PCED1B: variants seen among roughly 807,000 people sequenced by gnomAD.
PCED1B encodes the protein PC-esterase domain containing 1B, also known as PC-esterase domain-containing protein 1B.
For missense variants in PCED1B, 573 were observed against 573.9 expected (o/e 1.00, Z 0.02); for synonymous variants, 251 against 246.1 (o/e 1.02, Z -0.19).
chr12:47,095,996 A>G (rs150696089), intron 1 of PCED1B, among the ~76,000 whole-genome samples: 5 of 152,230 alleles, frequency 3.3e-5, no homozygotes, highest in Admixed American at 3.3e-4. Context: ...AACACTCTCT[A>G]TATTTAATGA....
At chr12:47,136,367 C>T (rs1431722022) in intron 2 of PCED1B, among the ~76,000 whole-genome samples, 1 of 152,102 alleles carries the variant, frequency 6.6e-6, no homozygotes, top group Non-Finnish European at 1.5e-5. Context: ...ACTTCTTAAG[C>T]CCTCTTATGC....
chr12:47,137,837 C>G (rs955657208), intron 2 of PCED1B, among the ~76,000 whole-genome samples: 2 of 151,690 alleles, frequency 1.3e-5, no homozygotes, highest in African/African-American at 4.8e-5. Flanking sequence ...TAGGTAGTCC[C>G]AAAATCTACA....
intron 3 of PCED1B, among the ~76,000 whole-genome samples, chr12:47,224,489 A>G (rs755659631): frequency 2.4e-4 from 37 of 152,352 alleles, no homozygotes; most frequent in Non-Finnish European, 3.8e-4. Context: ...AAAGAATTAC[A>G]AATTTCAGAT....
intron 1 of PCED1B, among the ~76,000 whole-genome samples, chr12:47,095,017 C>T (rs854898): frequency 0.011 from 1,718 of 151,532 alleles, 31 homozygotes; most frequent in African/African-American, 0.038. Flanking sequence ...AGCAATCCTC[C>T]CACCTCGGCT....
intron 2 of PCED1B, among the ~76,000 whole-genome samples, chr12:47,162,435 G>A (rs1045942960): frequency 4.6e-5 from 7 of 152,200 alleles, no homozygotes; most frequent in Non-Finnish European, 7.4e-5. Context: ...TCACAGTTCT[G>A]CAGTGTGTAC....
Position 47,186,471 on chromosome 12 carries a change from A to AG in PCED1B, c.-525-29745dup, listed in dbSNP as rs376097243. Reference sequence around the variant, plus strand: ...CCCTTTATGTTATCCCTTTACTGGTAGGGGGGTAGAGGGGGGCACTTTCAC... The same window carrying AG: ...CCCTTTATGTTATCCCTTTACTGGTAGGGGGGGTAGAGGGGGGCACTTTCAC... On this transcript the variant is annotated intron_variant, in intron 2 of 3. Transcript: ENST00000546455. Among the ~76,000 whole-genome samples the AG allele has an allele frequency of 5.0e-3, 756 of 151,508 alleles. 6 individuals carry two copies. The highest frequency in any genetic ancestry group is 0.017 in the African/African-American group (716 of 41,186).
At chr12:47,164,646 G>A (rs1031693696) in intron 2 of PCED1B, among the ~76,000 whole-genome samples, 7 of 152,206 alleles carry the variant, frequency 4.6e-5, no homozygotes, top group African/African-American at 1.7e-4. Context: ...ACTAGGCATT[G>A]CCCCTGTGGG....
At chr12:47,135,546 G>A (rs1171823698) in intron 2 of PCED1B, 1 of 513,956 alleles carries the variant, frequency 1.9e-6, no homozygotes, top group South Asian at 1.5e-5. Context: ...TCAGGAGGAT[G>A]CCCAGAGCCA....
intron 2 of PCED1B, among the ~76,000 whole-genome samples, chr12:47,167,073 G>T (rs903365958): frequency 2.6e-5 from 4 of 152,130 alleles, no homozygotes; most frequent in African/African-American, 9.7e-5. Context: ...AACAAGGATT[G>T]TTTAGTGCTT....
At chr12:47,178,222 C>T (rs1941985566) in intron 2 of PCED1B, among the ~76,000 whole-genome samples, 1 of 152,216 alleles carries the variant, frequency 6.6e-6, no homozygotes, top group African/African-American at 2.4e-5. Flanking sequence ...GCATCCTCAC[C>T]TCAGACAGTG....
At chr12:47,223,112 A>AAGAG (rs377711497) in intron 3 of PCED1B, among the ~76,000 whole-genome samples, 1 of 151,506 alleles carries the variant, frequency 6.6e-6, no homozygotes, top group Non-Finnish European at 1.5e-5. Context: ...AAATAAGAAA[A>AAGAG]AGAGAGAGAG....
intron 2 of PCED1B, among the ~76,000 whole-genome samples, chr12:47,135,302 A>G (rs1001280811): frequency 2.0e-5 from 3 of 152,058 alleles, no homozygotes; most frequent in Non-Finnish European, 4.4e-5. Flanking sequence ...TTTTATTTTT[A>G]TTTTTATTTT....
chr12:47,226,829 G>A (rs1260984683), intron 3 of PCED1B, among the ~76,000 whole-genome samples: 1 of 152,158 alleles, frequency 6.6e-6, no homozygotes, highest in East Asian at 1.9e-4. Flanking sequence ...AGGCTAAAAT[G>A]ATCGCTGATC....
chr12:47,095,117 C>T (rs1592135245), intron 1 of PCED1B, among the ~76,000 whole-genome samples: 1 of 147,426 alleles, frequency 6.8e-6, no homozygotes, highest in South Asian at 2.1e-4. Context: ...TGCTTTGTTG[C>T]CTAGGCTGAG....
chr12:47,222,234 A>G (rs930249617), intron 3 of PCED1B, among the ~76,000 whole-genome samples: 10 of 151,928 alleles, frequency 6.6e-5, no homozygotes, highest in Non-Finnish European at 1.0e-4. Context: ...AGCCTGACCA[A>G]CATGGAGAAT....
intron 2 of PCED1B, among the ~76,000 whole-genome samples, chr12:47,174,223 A>G (rs1941847276): frequency 2.6e-5 from 4 of 152,178 alleles, no homozygotes; most frequent in Admixed American, 2.0e-4. Context: ...AGCCTGGCCA[A>G]CATGGAGAAA....
At chr12:47,096,536 C>T (rs1035364435) in intron 1 of PCED1B, among the ~76,000 whole-genome samples, 2 of 152,048 alleles carry the variant, frequency 1.3e-5, no homozygotes, top group African/African-American at 4.8e-5. Context: ...CTCTTAAGCA[C>T]ATTGAGGGCA....
At chr12:47,217,739 G>C (rs1943344830) in intron 3 of PCED1B, among the ~76,000 whole-genome samples, 2 of 151,938 alleles carry the variant, frequency 1.3e-5, no homozygotes, top group South Asian at 4.2e-4. Context: ...ACCACTCCCA[G>C]CTAATTTTTA....
At chr12:47,153,022 T>C (rs1283174567) in intron 2 of PCED1B, among the ~76,000 whole-genome samples, 1 of 152,106 alleles carries the variant, frequency 6.6e-6, no homozygotes, top group African/African-American at 2.4e-5. Flanking sequence ...TAAGGAAATG[T>C]AATGATTCTA....
Sources: gnomAD v4.1 joint callset for allele counts (sites outside exome capture counted in the v4.1 genomes callset) on GRCh38, gnomAD v4.1.1 for gene constraint, MANE v1.5 for transcripts, NCBI Gene and HGNC (gene_info 2026-07-23, HGNC 2026-07-21) for gene names.